The following YARS1 variants were observed in gnomAD, a reference collection of about 807,000 sequenced individuals.
The protein encoded by YARS1 is tyrosine--tRNA ligase, cytoplasmic.
A neutral mutation model predicts 62.2 loss-of-function variants in YARS1; 36 were observed. That is an observed-to-expected ratio of 0.58 (90% CI 0.44 to 0.76). YARS1 has a LOEUF of 0.76. Ranked by LOEUF, YARS1 falls within the 30% of genes least tolerant of loss-of-function variation. YARS1 has a pLI of 0.00. For synonymous variants in YARS1, 234 were observed against 244.9 expected, an observed-to-expected ratio of 0.96 and a Z score of 0.42; for missense variants, 524 against 639.8, an observed-to-expected ratio of 0.82 and a Z score of 1.95.
At chr1:32,810,875 G>A in intron 2 of YARS1, 36 bp downstream of exon 2, 1 of 1,613,900 alleles carries the variant, frequency 6.2e-7, no homozygotes, top group Non-Finnish European at 8.5e-7. Flanking sequence ...GTCTCCCTTG[G>A]GTCATTCCCC....
intron 1 of YARS1, among the ~76,000 whole-genome samples, chr1:32,815,902 G>A (rs1638708246): frequency 6.6e-6 from 1 of 152,116 alleles, no homozygotes; most frequent in South Asian, 2.1e-4. Context: ...GAGGTCAGGA[G>A]ATCGAGACCA....
chr1:32,798,095 A>C, intron 4 of YARS1: 1 of 435,546 alleles, frequency 2.3e-6, no homozygotes, highest in South Asian at 2.1e-5. Flanking sequence ...TGGCCTTAAA[A>C]TCCTGAGCTC....
intron 4 of YARS1, among the ~76,000 whole-genome samples, chr1:32,804,320 C>G (rs1028877265): frequency 1.4e-5 from 2 of 147,964 alleles, no homozygotes; most frequent in African/African-American, 5.0e-5. Context: ...GGCGGCCGGT[C>G]AGAGGCACCC....
rs768176028 is a variant in YARS1, at chr1:32,791,172, G to C, written c.674C>G (p.Ser225Cys). 1 of 1,614,066 alleles carries C rather than the reference G, an allele frequency of 6.2e-7. No individual in the cohort carries two copies. The highest frequency in any genetic ancestry group is 2.2e-5 in the East Asian group (1 of 44,876). The change falls in exon 6 of 13, where the codon TCT becomes TGT. Residue 225 changes from serine to cysteine, a missense_variant. Coordinates refer to ENST00000373477, the MANE Select transcript of YARS1 (RefSeq NM_003680.4). ...VPGLTGSKMSSSEEESKIDLL... is the reference protein window; with the variant it reads ...VPGLTGSKMSCSEEESKIDLL... ...CAGCTGGCAACTTACCTCTTCTGAA[G>C]AGCTCATTTTGCTGCCTGTTAATCC... is the stretch of plus-strand genomic sequence containing the variant.
chr1:32,805,796 C>T (rs959270696), intron 4 of YARS1, among the ~76,000 whole-genome samples: 1 of 151,980 alleles, frequency 6.6e-6, no homozygotes, highest in Admixed American at 6.6e-5. Context: ...CCCATCTCTA[C>T]TAAAAATACA....
In YARS1 at chr1:32,781,139, A is replaced by G. The variant is rs1490757097; in HGVS notation, c.1049T>C (p.Met350Thr). 1.9e-6 allele frequency: 3 copies of G among 1,614,086 alleles called. No individual in the cohort carries two copies. The highest frequency in any genetic ancestry group is 1.7e-5 in the Admixed American group (1 of 60,016). ...TGAATTCTTGGCAGGGCCTTTGGCC[A>G]TTGGCTCTGGGAATGAGAAGAACCC... ...AYPDPSKQKP[M>T]AKGPAKNSEP... The change falls in exon 10 of 13, where the codon ATG (methionine) becomes ACG (threonine). Residue 350 changes from methionine to threonine, a missense_variant. Transcript: ENST00000373477.
At chr1:32,786,680 A>G in intron 7 of YARS1, 1 of 689,224 alleles carries the variant, frequency 1.5e-6, no homozygotes, top group South Asian at 1.8e-5. Flanking sequence ...GTATTCCTCT[A>G]GTTCAACATG....
intron 1 of YARS1, among the ~76,000 whole-genome samples, chr1:32,812,675 C>T (rs1172582468): frequency 4.6e-5 from 7 of 152,154 alleles, no homozygotes; most frequent in Admixed American, 4.6e-4. Flanking sequence ...ATCTACATGA[C>T]AAGAACCTTA....
chr1:32,790,714 T>C (rs970312630), intron 6 of YARS1: 7 of 172,778 alleles, frequency 4.1e-5, no homozygotes, highest in East Asian at 1.5e-4. Flanking sequence ...ACCTTTCACA[T>C]CTTTGGATTT....
intron 8 of YARS1, among the ~76,000 whole-genome samples, chr1:32,785,105 T>A (rs749995580): frequency 1.3e-5 from 2 of 152,172 alleles, no homozygotes; most frequent in Non-Finnish European, 2.9e-5. Flanking sequence ...GCCTATCGAA[T>A]CTGGGAACCA....
At chr1:32,804,494 G>T (rs1638397950) in intron 4 of YARS1, among the ~76,000 whole-genome samples, 1 of 151,872 alleles carries the variant, frequency 6.6e-6, no homozygotes, top group Admixed American at 6.6e-5. Context: ...CTGCCAGGCG[G>T]AGGGGCTCCT....
intron 5 of YARS1, among the ~76,000 whole-genome samples, chr1:32,792,927 T>C (rs1005231695): frequency 2.5e-4 from 37 of 145,420 alleles, no homozygotes; most frequent in African/African-American, 9.0e-4. Flanking sequence ...TAAAAGAAAA[T>C]AAGAGTACAT....
At chr1:32,793,719 C>T (rs1289181231) in intron 5 of YARS1, among the ~76,000 whole-genome samples, 2 of 152,194 alleles carry the variant, frequency 1.3e-5, no homozygotes, top group African/African-American at 4.8e-5. Context: ...AGAGAAAAGA[C>T]ATATTATCTG....
At chr1:32,804,683 G>A (rs1365367671) in intron 4 of YARS1, among the ~76,000 whole-genome samples, 1 of 151,530 alleles carries the variant, frequency 6.6e-6, no homozygotes, top group Non-Finnish European at 1.5e-5. Flanking sequence ...TGGGCAGCCG[G>A]GCAGAGACGC....
chr1:32,817,354 C>G lies in YARS1; in HGVS notation c.-110G>C. The G allele has an allele frequency of 1.4e-6, 2 of 1,419,674 alleles. No homozygotes were observed. The highest frequency in any genetic ancestry group is 2.0e-6 in the Non-Finnish European group (2 of 1,018,754). 87.9% of individuals were successfully genotyped at this position (1,419,674 alleles called of 1,614,324 possible). A position where few individuals can be genotyped will look rare whatever the true frequency, so the allele number is the denominator to read the frequency against. Reference sequence around the variant, plus strand: ...TCACGCGAGTCCAGCCAGGTTGCATCAGCTGGGCTCGGCGCTCCGCTTACT... The same window carrying G: ...TCACGCGAGTCCAGCCAGGTTGCATGAGCTGGGCTCGGCGCTCCGCTTACT... On this transcript the variant is annotated 5_prime_UTR_variant, in exon 1 of 13. Coordinates refer to ENST00000373477, the MANE Select transcript of YARS1 (RefSeq NM_003680.4).
At chr1:32,808,480 C>T (rs1323165149) in intron 3 of YARS1, among the ~76,000 whole-genome samples, 2 of 152,070 alleles carry the variant, frequency 1.3e-5, no homozygotes, top group Non-Finnish European at 2.9e-5. Context: ...AGATTACAGG[C>T]GTGAGCCACC....
chr1:32,801,438 T>C (rs1426131481), intron 4 of YARS1, among the ~76,000 whole-genome samples: 4 of 152,212 alleles, frequency 2.6e-5, no homozygotes, highest in Non-Finnish European at 4.4e-5. Context: ...GGTTAAGGTA[T>C]GGCTAAAAAT....
chr1:32,801,673 G>A (rs1353839711), intron 4 of YARS1, among the ~76,000 whole-genome samples: 1 of 152,166 alleles, frequency 6.6e-6, no homozygotes, highest in Admixed American at 6.6e-5. Flanking sequence ...ATAGCATTCT[G>A]TCCACAGCAG....
intron 4 of YARS1, among the ~76,000 whole-genome samples, chr1:32,804,310 GGC>G: frequency 6.6e-6 from 1 of 151,808 alleles, no homozygotes; most frequent in Non-Finnish European, 1.5e-5. Flanking sequence ...TCCCAGACGG[GGC>G]GGCCGGTCAG....
Sources: allele counts gnomAD v4.1 joint callset (sites outside exome capture counted in the v4.1 genomes callset), GRCh38; gene constraint gnomAD v4.1.1; transcripts MANE v1.5; gene names NCBI Gene and HGNC (gene_info 2026-07-23, HGNC 2026-07-21).